SRGAP1: variants seen among roughly 807,000 people sequenced by gnomAD.
SRGAP1 encodes the protein SLIT-ROBO Rho GTPase-activating protein 1.
Under a neutral mutation model 121.9 loss-of-function variants are expected in SRGAP1, and 43 were observed. That is an observed-to-expected ratio of 0.35 (90% confidence interval 0.28 to 0.46). The LOEUF is 0.46. Ranked by LOEUF, SRGAP1 falls within the 20% of genes least tolerant of loss-of-function variation. The pLI, the probability that SRGAP1 is intolerant of heterozygous loss-of-function variation, is 1.00. For missense variants in SRGAP1, 1,102 were observed against 1,350.9 expected (o/e 0.82, Z 2.89); for synonymous variants, 447 against 485.4 (o/e 0.92, Z 1.04).
At position 64,144,284 on chromosome 12, in the gene SRGAP1, T is replaced by A. The variant is rs2037015268; in HGVS notation, c.*1612T>A. 7.8e-6 allele frequency: 1 copy of A among 128,972 alleles called. No individual in the cohort carries two copies. Among genetic ancestry groups the A allele is most frequent in the Non-Finnish European group, 1.7e-5 (1 of 59,376 alleles). 8.0% of individuals were successfully genotyped at this position (128,972 alleles called of 1,614,324 possible). ...AAATGGATTTCCCACAACTAATCCCTCTGGCCCACCATTAATTTCCTTCTT... is the reference window on the plus strand; with the variant it reads ...AAATGGATTTCCCACAACTAATCCCACTGGCCCACCATTAATTTCCTTCTT... On this transcript the variant is annotated 3_prime_UTR_variant, in exon 22 of 22. Transcript: ENST00000355086.
At chr12:63,983,794 T>TAAAAAAAAAAAAA (rs1467345374) in intron 1 of SRGAP1, 153 bp from the exon 2 acceptor site, 2 of 105,746 alleles carry the variant, frequency 1.9e-5, no homozygotes, top group African/African-American at 8.3e-5. Context: ...TAAATACATT[T>TAAAAAAAAAAAAA]AAAATATATA....
chr12:63,860,577 A>G (rs1899410131), intron 1 of SRGAP1, among the ~76,000 whole-genome samples: 1 of 152,208 alleles, frequency 6.6e-6, no homozygotes, highest in Admixed American at 6.5e-5. Flanking sequence ...TAACTGACAT[A>G]AAATTGTTTA....
chr12:64,138,446 C>CTTTTTTT (rs60769104), intron 21 of SRGAP1, among the ~76,000 whole-genome samples: 24 of 78,676 alleles, frequency 3.1e-4, no homozygotes, highest in African/African-American at 1.1e-3. Context: ...AATAAATTGA[C>CTTTTTTT]TTTTTTTTTT....
chr12:63,995,219 C>T lies in SRGAP1; in HGVS notation c.426+5147C>T, dbSNP rs150710192. 1.7e-3 allele frequency among the ~76,000 whole-genome samples: 263 copies of T among 152,218 alleles called. 4 individuals carry two copies. In the South Asian group the frequency reaches 0.018, roughly 10 times the overall value. Reference sequence around the variant, plus strand: ...TCCTTGGTTTACATAAATACATGTACAATATAATTCATCTTGTTTCTTCAC... The same window carrying T: ...TCCTTGGTTTACATAAATACATGTATAATATAATTCATCTTGTTTCTTCAC... On this transcript the variant is annotated intron_variant, in intron 3 of 21. Coordinates refer to ENST00000355086, the MANE Select transcript of SRGAP1 (RefSeq NM_020762.4).
chr12:64,112,094 T>G (rs1358250309), intron 17 of SRGAP1, 108 bp downstream of exon 17: 2 of 842,166 alleles, frequency 2.4e-6, no homozygotes, highest in African/African-American at 3.4e-5. Flanking sequence ...GCTTCCAACT[T>G]AAAAGGAAGA....
At chr12:63,925,620 C>A (rs934156797) in intron 1 of SRGAP1, among the ~76,000 whole-genome samples, 2 of 151,982 alleles carry the variant, frequency 1.3e-5, no homozygotes, top group African/African-American at 4.8e-5. Flanking sequence ...ACAGATACCA[C>A]GTGTTAATAT....
At position 63,914,538 on chromosome 12, in the gene SRGAP1, G is replaced by A. The variant is rs111381733; in HGVS notation, c.68-69409G>A. The stretch of plus-strand genomic sequence containing the variant: ...GAAGATAATAAAATAATCTTTTTCC[G>A]TGTGAACAAAATGGGATTTGCATTT... On this transcript the variant is annotated intron_variant, in intron 1 of 21. Transcript: ENST00000355086. Among the ~76,000 whole-genome samples, 840 of 152,144 alleles carry A rather than the reference G, an allele frequency of 5.5e-3. 4 individuals are homozygous for A. The highest frequency in any genetic ancestry group is 8.3e-3 in the Non-Finnish European group (562 of 67,996).
chr12:64,105,974 C>T (rs150187367), intron 15 of SRGAP1, among the ~76,000 whole-genome samples: 22 of 152,226 alleles, frequency 1.4e-4, no homozygotes, highest in South Asian at 6.2e-4. Flanking sequence ...TTAAAACTAG[C>T]GTTAAGCTAC....
chr12:64,136,619 A>T (rs1201292201), intron 21 of SRGAP1, among the ~76,000 whole-genome samples: 1 of 152,246 alleles, frequency 6.6e-6, no homozygotes, highest in Non-Finnish European at 1.5e-5. Context: ...CTAACTAAAA[A>T]GAATTTTGGA....
intron 3 of SRGAP1, among the ~76,000 whole-genome samples, chr12:64,005,113 G>A (rs1020369193): frequency 4.6e-5 from 7 of 152,176 alleles, no homozygotes; most frequent in African/African-American, 1.4e-4. Flanking sequence ...TGTGAGTGAA[G>A]CAGTTAAATA....
At chr12:64,111,194 T>C (rs1389221766) in intron 16 of SRGAP1, among the ~76,000 whole-genome samples, 1 of 152,204 alleles carries the variant, frequency 6.6e-6, no homozygotes, top group Non-Finnish European at 1.5e-5. Flanking sequence ...TTTCTTGTAT[T>C]TATAATGGCT....
chr12:63,851,591 CTTT>C (rs568426197), intron 1 of SRGAP1, among the ~76,000 whole-genome samples: 2 of 139,848 alleles, frequency 1.4e-5, no homozygotes, highest in Non-Finnish European at 1.6e-5. Context: ...TTCTTTCTTT[CTTT>C]TTTTTTTTTT....
intron 3 of SRGAP1, among the ~76,000 whole-genome samples, chr12:64,000,275 T>TGTGTA (rs1555163998): frequency 1.9e-3 from 247 of 133,358 alleles, no homozygotes; most frequent in African/African-American, 6.2e-3. Context: ...TGTGTGTGTG[T>TGTGTA]AAAAAAAAAA....
intron 16 of SRGAP1, 28 bp from the exon 17 acceptor site, chr12:64,111,734 A>G: frequency 6.5e-7 from 1 of 1,541,016 alleles, no homozygotes; most frequent in Non-Finnish European, 8.8e-7. Flanking sequence ...TTGTTCTTTT[A>G]TAACTCCTTT....
intron 1 of SRGAP1, among the ~76,000 whole-genome samples, chr12:63,892,213 A>G (rs1900610056): frequency 6.6e-6 from 1 of 152,214 alleles, no homozygotes; most frequent in East Asian, 1.9e-4. Flanking sequence ...GTCTTGAATT[A>G]CAGGGTCAAC....
At chr12:63,948,374 T>C (rs1406112371) in intron 1 of SRGAP1, among the ~76,000 whole-genome samples, 1 of 152,136 alleles carries the variant, frequency 6.6e-6, no homozygotes, top group Non-Finnish European at 1.5e-5. Flanking sequence ...GTTTTTCTCT[T>C]AACAAAAATA....
chr12:63,908,889 CAAT>C (rs909077149), intron 1 of SRGAP1, among the ~76,000 whole-genome samples: 2 of 151,820 alleles, frequency 1.3e-5, no homozygotes, highest in Non-Finnish European at 2.9e-5. Context: ...TATATATTTA[CAAT>C]AATAATCTTT....
chr12:63,889,467 A>G (rs1431795056), intron 1 of SRGAP1, among the ~76,000 whole-genome samples: 1 of 152,186 alleles, frequency 6.6e-6, no homozygotes, highest in East Asian at 1.9e-4. Context: ...GTGAATACTC[A>G]GTCTAAGTAG....
At position 64,153,599 on chromosome 12, in the gene SRGAP1, A is replaced by C. The variant is rs2037140535; in HGVS notation, c.*10927A>C. On this transcript the variant is annotated 3_prime_UTR_variant, in exon 22 of 22. Coordinates refer to ENST00000355086, the MANE Select transcript of SRGAP1 (RefSeq NM_020762.4). ...AGATGACCCTCAAAACCACAATGAG[A>C]TATCACCTCATACCCATTAGGATGG... The C allele has an allele frequency of 6.6e-6, 1 of 152,154 alleles. No homozygotes were observed. Among genetic ancestry groups the C allele is most frequent in the Admixed American group, 6.5e-5 (1 of 15,270 alleles). 9.4% of individuals were successfully genotyped at this position (152,154 alleles called of 1,614,324 possible). A position where few individuals can be genotyped will look rare whatever the true frequency, so the allele number is the denominator to read the frequency against.
Sources: gnomAD v4.1 joint callset for allele counts (sites outside exome capture counted in the v4.1 genomes callset) on GRCh38, gnomAD v4.1.1 for gene constraint, MANE v1.5 for transcripts, NCBI Gene and HGNC (gene_info 2026-07-23, HGNC 2026-07-21) for gene names.